Variants in KIF4A observed in about 807,000 individuals in gnomAD.
KIF4A encodes kinesin family member 4A, also known as chromosome-associated kinesin KIF4A.
In KIF4A, 7 loss-of-function variants were observed where a neutral mutation model predicts 105.9. The ratio of observed to expected loss-of-function variants is 0.07; its 90% CI spans 0.04 to 0.12. The LOEUF (loss-of-function observed/expected upper bound fraction) is 0.12. Ranked by LOEUF, KIF4A falls within the 10% of genes least tolerant of loss-of-function variation. KIF4A has a pLI of 1.00. For missense variants in KIF4A, 558 were observed against 929.2 expected (o/e 0.60, Z 5.19); for synonymous variants, 281 against 331.3 (o/e 0.85, Z 1.65).
At chrX:70,408,887 CAG>C (rs933470000) in intron 28 of KIF4A, among the ~76,000 whole-genome samples, 3 of 112,039 alleles carry the variant, frequency 2.7e-5, no homozygotes, top group African/African-American at 9.7e-5. Context: ...TCTTTTGAGA[CAG>C]AGTTTCACTC....
At chrX:70,376,068 A>G (rs1319862420) in intron 17 of KIF4A, 32 bp from the exon 18 acceptor site, 29 of 1,008,827 alleles carry the variant, frequency 2.9e-5, no homozygotes, top group Non-Finnish European at 3.6e-5. Context: ...ACTGCAGATG[A>G]CTAATACTTT....
At chrX:70,295,080 G>A (rs1395149464) in intron 3 of KIF4A, among the ~76,000 whole-genome samples, 2 of 111,845 alleles carry the variant, frequency 1.8e-5, no homozygotes, top group South Asian at 3.7e-4. Flanking sequence ...CCGGGGAGGG[G>A]GAGTGCTGAG....
chrX:70,381,211 C>T, intron 18 of KIF4A, among the ~76,000 whole-genome samples: 1 of 111,639 alleles, frequency 9.0e-6, no homozygotes, highest in East Asian at 2.8e-4. Flanking sequence ...TATTTATATA[C>T]TAGCAATTAA....
At chrX:70,400,346 T>C (rs943794761) in intron 22 of KIF4A, among the ~76,000 whole-genome samples, 5 of 111,424 alleles carry the variant, frequency 4.5e-5, no homozygotes, top group Admixed American at 9.6e-5. Context: ...CTACAAAGGA[T>C]GTGAACTCAT....
intron 15 of KIF4A, among the ~76,000 whole-genome samples, chrX:70,365,345 T>G (rs1602776448): frequency 9.0e-6 from 1 of 111,522 alleles, no homozygotes; most frequent in East Asian, 2.8e-4. Context: ...ATGCTTCCAG[T>G]TTTTGCCCAT....
chrX:70,359,211 T>G (rs1372871914), intron 15 of KIF4A, among the ~76,000 whole-genome samples: 1 of 112,295 alleles, frequency 8.9e-6, no homozygotes, highest in Non-Finnish European at 1.9e-5. Flanking sequence ...CCTCCTTTTT[T>G]GTTCATTTTC....
In KIF4A at chrX:70,375,214, C is replaced by A; in HGVS notation, c.1789C>A (p.Arg597Ser). Residue 597 changes from arginine to serine, a missense_variant, in exon 17 of 31, where the codon CGC becomes AGC. Physicochemically the swap from Arg to Ser is moderately radical, Grantham distance 110 (BLOSUM62 -1). This residue lies in a region of KIF4A where 469 missense variants were observed against 680.4 expected (regional missense o/e 0.69). Coordinates refer to ENST00000374403, the MANE Select transcript of KIF4A (RefSeq NM_012310.5). ...KDANQAKLSE[R>S]RRKRLQELEG... is the part of the protein sequence containing the mutation. ...AGCATCTGTGTTTAGGTTGAGTGAG[C>A]GCCGCCGCAAACGTCTCCAGGAGCT... The A allele has an allele frequency of 8.3e-7, 1 of 1,209,703 alleles. No individual in the cohort carries two copies. The highest frequency in any genetic ancestry group is 1.1e-6 in the Non-Finnish European group (1 of 895,041).
In KIF4A at chrX:70,366,302, T is replaced by C. The variant is rs181672706; in HGVS notation, c.1675-7849T>C. On this transcript the variant is annotated intron_variant, in intron 15 of 30. Coordinates refer to ENST00000374403, the MANE Select transcript of KIF4A (RefSeq NM_012310.5). ...CTTACCTTCTGCTAGCTTTTGAATG[T>C]GTTTGCTCTTGCTTCTCTAGTTCTT... 4.9e-3 allele frequency among the ~76,000 whole-genome samples: 551 copies of C among 111,430 alleles called. 4 individuals are homozygous for C. The highest frequency in any genetic ancestry group is 0.017 in the African/African-American group (525 of 30,658).
intron 15 of KIF4A, among the ~76,000 whole-genome samples, chrX:70,354,212 A>T (rs1004849192): frequency 8.9e-6 from 1 of 112,767 alleles, no homozygotes; most frequent in Non-Finnish European, 1.9e-5. Context: ...CTTTTTTCTG[A>T]TGATAGTTCT....
intron 4 of KIF4A, among the ~76,000 whole-genome samples, chrX:70,298,367 G>A (rs2085791720): frequency 9.1e-6 from 1 of 110,065 alleles, no homozygotes; most frequent in Admixed American, 9.6e-5. Flanking sequence ...CCAAGCAGCT[G>A]GGACTACAAG....
At chrX:70,308,902 G>T (rs764139547) in intron 7 of KIF4A, among the ~76,000 whole-genome samples, 1 of 112,452 alleles carries the variant, frequency 8.9e-6, no homozygotes, top group Non-Finnish European at 1.9e-5. Flanking sequence ...GAGCCACCAC[G>T]CCAGGCCTGA....
chrX:70,370,828 T>C (rs1436862338), intron 15 of KIF4A, among the ~76,000 whole-genome samples: 2 of 104,575 alleles, frequency 1.9e-5, no homozygotes, highest in African/African-American at 7.0e-5. Context: ...CTCAGCTACT[T>C]GGGAGACTGG....
chrX:70,364,915 C>T lies in KIF4A; in HGVS notation c.1675-9236C>T, dbSNP rs924634395. On this transcript the variant is annotated intron_variant, in intron 15 of 30. Coordinates refer to ENST00000374403, the MANE Select transcript of KIF4A (RefSeq NM_012310.5). The stretch of plus-strand genomic sequence containing the variant: ...CATTTGTTTGTATCCCCTTTTATTT[C>T]GTTGAGCAGTGGTTTGTAGTTCTCC... Among the ~76,000 whole-genome samples the T allele has an allele frequency of 3.7e-4, 41 of 111,469 alleles. 1 individual carries two copies. Among genetic ancestry groups the T allele is most frequent in the Admixed American group, 3.3e-3 (34 of 10,460 alleles).
At chrX:70,371,819 C>A (rs1240169281) in intron 15 of KIF4A, among the ~76,000 whole-genome samples, 1 of 101,044 alleles carries the variant, frequency 9.9e-6, no homozygotes, top group African/African-American at 3.7e-5. Flanking sequence ...GGGCGGCTGC[C>A]GGGCGGAGGG....
At chrX:70,363,697 G>A (rs2086087667) in intron 15 of KIF4A, among the ~76,000 whole-genome samples, 1 of 112,025 alleles carries the variant, frequency 8.9e-6, no homozygotes, top group Non-Finnish European at 1.9e-5. Context: ...TGCTGCAATA[G>A]ACATACGTGT....
chrX:70,361,673 C>A (rs1450786555), intron 15 of KIF4A: 2 of 151,074 alleles, frequency 1.3e-5, no homozygotes, highest in Non-Finnish European at 2.8e-5. Flanking sequence ...AAGACAAGGA[C>A]TGCTGGGACA....
intron 5 of KIF4A, among the ~76,000 whole-genome samples, chrX:70,301,254 C>T (rs191669776): frequency 1.8e-5 from 2 of 111,535 alleles, no homozygotes; most frequent in East Asian, 5.6e-4. Context: ...AAATAAAAGA[C>T]TAGAAATTAG....
At chrX:70,368,725 G>C (rs986143218) in intron 15 of KIF4A, among the ~76,000 whole-genome samples, 1 of 111,870 alleles carries the variant, frequency 8.9e-6, no homozygotes, top group Non-Finnish European at 1.9e-5. Context: ...CAGTCTTTTC[G>C]TTCTCAGATC....
chrX:70,339,487 C>G (rs892868674), intron 10 of KIF4A, among the ~76,000 whole-genome samples: 2 of 112,166 alleles, frequency 1.8e-5, no homozygotes, highest in African/African-American at 6.5e-5. Flanking sequence ...TTCTGATTGT[C>G]TAGAATGTGC....
Sources: gnomAD v4.1 joint callset for allele counts (sites outside exome capture counted in the v4.1 genomes callset) on GRCh38, gnomAD v4.1.1 for gene constraint, gnomAD v4.1.1 regional missense constraint, MANE v1.5 for transcripts, NCBI Gene and HGNC (gene_info 2026-07-23, HGNC 2026-07-21) for gene names.